The following ARHGAP21 variants were observed in gnomAD, a reference collection of about 807,000 sequenced individuals.
The protein encoded by ARHGAP21 is rho GTPase-activating protein 21.
Under a neutral mutation model 164.6 loss-of-function variants are expected in ARHGAP21, and 38 were observed. The ratio of observed to expected loss-of-function variants is 0.23; its 90% CI spans 0.18 to 0.30. The LOEUF (loss-of-function observed/expected upper bound fraction) is 0.30, where lower values mean the gene tolerates loss of function less well. Ranked by LOEUF, ARHGAP21 falls within the 10% of genes least tolerant of loss-of-function variation. The pLI is 1.00. For synonymous variants in ARHGAP21, 766 were observed against 857.9 expected, an observed-to-expected ratio of 0.89 and a Z score of 1.87; for missense variants, 1,822 against 2,370.7, an observed-to-expected ratio of 0.77 and a Z score of 4.81.
In ARHGAP21 at chr10:24,591,350, A is replaced by T; in HGVS notation, c.4045-20T>A. The T allele has an allele frequency of 5.1e-6, 8 of 1,560,268 alleles. No individual in the cohort carries two copies. Among genetic ancestry groups the T allele is most frequent in the Non-Finnish European group, 7.0e-6 (8 of 1,137,006 alleles). ...TGTTGTCTATGGTTAATAAACAAAG[A>T]TCTCTTCATCATCTCTTCAAAGATA... On this transcript the variant is annotated intron_variant, in intron 23 of 25. Coordinates refer to ENST00000396432, the MANE Select transcript of ARHGAP21 (RefSeq NM_020824.4).
intron 2 of ARHGAP21, among the ~76,000 whole-genome samples, chr10:24,685,986 T>A (rs909046560): frequency 6.6e-5 from 10 of 152,240 alleles, no homozygotes; most frequent in African/African-American, 2.4e-4. Context: ...TATACTTCAC[T>A]GGAAGTACAA....
intron 6 of ARHGAP21, among the ~76,000 whole-genome samples, chr10:24,631,183 T>G (rs1485717013): frequency 1.3e-5 from 2 of 151,936 alleles, no homozygotes; most frequent in African/African-American, 2.4e-5. Context: ...GGCCAACATG[T>G]TGAAAACTCG....
chr10:24,666,041 G>A (rs1485991535), intron 4 of ARHGAP21, among the ~76,000 whole-genome samples: 1 of 151,954 alleles, frequency 6.6e-6, no homozygotes, highest in Non-Finnish European at 1.5e-5. Flanking sequence ...GTTTTGTTTT[G>A]TTTTTTGAGA....
In ARHGAP21 at chr10:24,620,331, T is replaced by C. The variant is rs1449666338; in HGVS notation, c.1564A>G (p.Lys522Glu). Residue 522 changes from lysine to glutamate, a missense_variant, in exon 9 of 26, where the codon AAA becomes GAA. This residue lies in a region of ARHGAP21 where 1,090 missense variants were observed against 1,378.9 expected (regional missense o/e 0.79). Transcript: ENST00000396432. ...CCACTCCACTTGTAAGTCTGTTTTT[T>C]CTCTCCATTGGAATCAGGTATTGGA... is the stretch of plus-strand genomic sequence containing the variant. ...GTPIPDSNGE[K>E]KQTYKWSGFT... 10 of 1,613,882 alleles carry C rather than the reference T, an allele frequency of 6.2e-6. No homozygotes were observed. The Admixed American group carries it at 1.0e-4, about 16-fold the overall frequency.
Position 24,619,429 on chromosome 10 carries a change from C to G in ARHGAP21, c.2422+44G>C. On this transcript the variant is annotated intron_variant, in intron 9 of 25. Transcript: ENST00000396432. The stretch of plus-strand genomic sequence containing the variant: ...AAATAATACTTTTCTGGAAAGATTT[C>G]TTATACATTTGGCATATTAGCCAAT... The G allele has an allele frequency of 1.3e-6, 2 of 1,535,222 alleles. 1 individual carries two copies. The highest frequency in any genetic ancestry group is 1.8e-6 in the Non-Finnish European group (2 of 1,130,680).
rs2076069022 is a variant in ARHGAP21 at position 24,585,570 on chromosome 10, A to G, written c.4719T>C (p.His1573=). ...TGCTGACGTTGGCCAAAAACTCGCTATGTTTCGTTTCTGGACTGGTTGATT... is the reference window on the plus strand; with the variant it reads ...TGCTGACGTTGGCCAAAAACTCGCTGTGTTTCGTTTCTGGACTGGTTGATT... ...MKKSTSPETK[H]SEFLANVSTI... The change falls in exon 26 of 26, where the codon CAT becomes CAC. Residue 1573 remains histidine, a synonymous_variant. Coordinates refer to ENST00000396432, the MANE Select transcript of ARHGAP21 (RefSeq NM_020824.4). 1.2e-6 allele frequency: 2 copies of G among 1,614,104 alleles called. No individual in the cohort carries two copies. The highest frequency in any genetic ancestry group is 1.7e-6 in the Non-Finnish European group (2 of 1,180,012).
At chr10:24,622,605 T>C (rs1367724463) in intron 8 of ARHGAP21, 128 bp downstream of exon 8, 2 of 976,054 alleles carry the variant, frequency 2.0e-6, no homozygotes, top group Non-Finnish European at 2.9e-6. Context: ...TTCTGCAAAT[T>C]AGTAAGATTA....
intron 4 of ARHGAP21, among the ~76,000 whole-genome samples, chr10:24,659,477 G>A (rs571475153): frequency 2.0e-4 from 30 of 152,018 alleles, no homozygotes; most frequent in African/African-American, 3.1e-4. Context: ...CACCACACCC[G>A]GCTAATTTTG....
intron 21 of ARHGAP21, 37 bp downstream of exon 21, chr10:24,594,913 A>AC: frequency 6.6e-7 from 1 of 1,517,220 alleles, no homozygotes; most frequent in Non-Finnish European, 9.1e-7. Context: ...AACTAAAGCC[A>AC]CTAAAAGTAC....
At chr10:24,600,610 G>A (rs1292092524) in intron 14 of ARHGAP21, 36 bp downstream of exon 14, 2 of 1,590,570 alleles carry the variant, frequency 1.3e-6, no homozygotes, top group Non-Finnish European at 1.7e-6. Flanking sequence ...TGTTGTGAAA[G>A]GGTCAGATTT....
At chr10:24,706,062 T>G (rs1844197219) in intron 2 of ARHGAP21, among the ~76,000 whole-genome samples, 1 of 152,238 alleles carries the variant, frequency 6.6e-6, no homozygotes, top group Non-Finnish European at 1.5e-5. Flanking sequence ...TACTTCCATT[T>G]AATCCCACTG....
chr10:24,663,928 A>G (rs1839938234), intron 4 of ARHGAP21, among the ~76,000 whole-genome samples: 1 of 152,060 alleles, frequency 6.6e-6, no homozygotes, highest in African/African-American at 2.4e-5. Flanking sequence ...CCCTCTCCCA[A>G]CTGTGATAAA....
At chr10:24,645,585 G>GAA (rs34672775) in intron 4 of ARHGAP21, among the ~76,000 whole-genome samples, 1 of 116,326 alleles carries the variant, frequency 8.6e-6, no homozygotes, top group Non-Finnish European at 1.9e-5. Context: ...CTCTGTCTCA[G>GAA]AAAAAAAAAA....
chr10:24,722,133 A>G lies in ARHGAP21; in HGVS notation c.-234T>C, dbSNP rs1308923526. On this transcript the variant is annotated 5_prime_UTR_variant, in exon 2 of 26. Coordinates refer to ENST00000396432, the MANE Select transcript of ARHGAP21 (RefSeq NM_020824.4). Reference sequence around the variant, plus strand: ...TCGCCTTCTTCTTCCATTTCTGGAGACTTAAAAACAAAGGCGACAGGTCTT... The same window carrying G: ...TCGCCTTCTTCTTCCATTTCTGGAGGCTTAAAAACAAAGGCGACAGGTCTT... 8 of 567,198 alleles carry G rather than the reference A, an allele frequency of 1.4e-5. No homozygotes were observed. The African/African-American group carries it at 1.5e-4, about 11-fold the overall frequency. The allele number at this position is 567,198 out of a possible 1,614,324, so 35.1% of individuals were successfully genotyped here.
At position 24,620,176 on chromosome 10, in the gene ARHGAP21, A is replaced by C. The variant is rs1197961924; in HGVS notation, c.1719T>G (p.Ser573Arg). Residue 573 changes from serine to arginine, a missense_variant, in exon 9 of 26, where the codon AGT becomes AGG. Physicochemically the swap from Ser to Arg is moderately radical, Grantham distance 110 (BLOSUM62 -1). This residue lies in a region of ARHGAP21 where 1,090 missense variants were observed against 1,378.9 expected (regional missense o/e 0.79). Coordinates refer to ENST00000396432, the MANE Select transcript of ARHGAP21 (RefSeq NM_020824.4). ...GCGACACAGATCCCACTCCTCTACC[A>C]CTCATTCGCCTGTTATCAGAATTAA... ...SVVNSDNRRM[S>R]GRGVGSVSQF... 2 of 1,613,680 alleles carry C rather than the reference A, an allele frequency of 1.2e-6. No individual in the cohort carries two copies. The highest frequency in any genetic ancestry group is 2.7e-5 in the African/African-American group (2 of 74,854).
At chr10:24,689,683 G>T (rs1171412937) in intron 2 of ARHGAP21, among the ~76,000 whole-genome samples, 7 of 152,118 alleles carry the variant, frequency 4.6e-5, no homozygotes, top group Admixed American at 4.6e-4. Context: ...TGAGGCTGCA[G>T]TGAGCCGTGA....
intron 9 of ARHGAP21, among the ~76,000 whole-genome samples, chr10:24,611,685 C>A (rs2077269283): frequency 6.7e-6 from 1 of 149,542 alleles, no homozygotes; most frequent in African/African-American, 2.5e-5. Flanking sequence ...CCAGCCTGGG[C>A]AACAGAGCAA....
At chr10:24,722,836 G>A (rs1846064644) in intron 1 of ARHGAP21, 2 of 151,962 alleles carry the variant, frequency 1.3e-5, no homozygotes, top group Admixed American at 1.3e-4. Context: ...GGGGCTGGGT[G>A]GGGACGGCCG....
At chr10:24,711,303 A>T (rs1156869187) in intron 2 of ARHGAP21, among the ~76,000 whole-genome samples, 1 of 151,964 alleles carries the variant, frequency 6.6e-6, no homozygotes, top group African/African-American at 2.4e-5. Context: ...GAAGGGTTTC[A>T]GGCATTTGAT....
Sources: allele counts gnomAD v4.1 joint callset (sites outside exome capture counted in the v4.1 genomes callset), GRCh38; gene constraint gnomAD v4.1.1; regional missense constraint gnomAD v4.1.1; transcripts MANE v1.5; gene names NCBI Gene and HGNC (gene_info 2026-07-23, HGNC 2026-07-21).